The following ARK2C variants were observed in gnomAD, a reference collection of about 807,000 sequenced individuals.
ARK2C encodes arkadia (RNF111) C-terminal like ring finger ubiquitin ligase 2C, also known as E3 ubiquitin-protein ligase ARK2C.
the ARK2C span, among the ~76,000 whole-genome samples, chr18:46,391,764 G>GCA: frequency 6.6e-6 from 1 of 150,746 alleles, no homozygotes. Flanking sequence ...ACACACACAC[G>GCA]CACACACACA....
chr18:46,407,291 G>T, the ARK2C span, among the ~76,000 whole-genome samples: 1 of 152,248 alleles, frequency 6.6e-6, no homozygotes, highest in African/African-American at 2.4e-5. Context: ...GTCTTTTGGG[G>T]TAAGATTCTT....
chr18:46,441,907 G>A, the ARK2C span, among the ~76,000 whole-genome samples: 1 of 149,286 alleles, frequency 6.7e-6, no homozygotes, highest in African/African-American at 2.5e-5. Flanking sequence ...GCTCACGCCT[G>A]TAATCCCAGC....
the ARK2C span, among the ~76,000 whole-genome samples, chr18:46,346,429 G>A: frequency 9.1e-6 from 1 of 109,730 alleles, no homozygotes; most frequent in African/African-American, 2.7e-5. Context: ...GAAACTAAGA[G>A]CTCCCTTGGG....
At chr18:46,337,259 G>C in the ARK2C span, 1 of 985,220 alleles carries the variant, frequency 1.0e-6, no homozygotes. Flanking sequence ...CAGCAAAATG[G>C]TTTTCCATTA....
the ARK2C span, among the ~76,000 whole-genome samples, chr18:46,415,287 G>A: frequency 2.0e-5 from 3 of 152,212 alleles, no homozygotes; most frequent in Non-Finnish European, 2.9e-5. Flanking sequence ...TTGGGAGGCC[G>A]AGGTGGGCGG....
At chr18:46,416,054 T>A in the ARK2C span, among the ~76,000 whole-genome samples, 1 of 152,174 alleles carries the variant, frequency 6.6e-6, no homozygotes, top group South Asian at 2.1e-4. Context: ...TCATGGCTAA[T>A]TAACATGTCA....
the ARK2C span, among the ~76,000 whole-genome samples, chr18:46,341,020 G>A: frequency 6.6e-6 from 1 of 152,216 alleles, no homozygotes; most frequent in Non-Finnish European, 1.5e-5. Flanking sequence ...GTAGCAGGAG[G>A]GAAGAGTGTG....
chr18:46,418,349 A>G, the ARK2C span, among the ~76,000 whole-genome samples: 5 of 152,272 alleles, frequency 3.3e-5, no homozygotes, highest in African/African-American at 1.2e-4. Flanking sequence ...AGGGCAAGAC[A>G]CTGTCTCCAA....
the ARK2C span, among the ~76,000 whole-genome samples, chr18:46,405,642 T>C: frequency 1.3e-5 from 2 of 152,114 alleles, no homozygotes; most frequent in African/African-American, 4.8e-5. Context: ...GAGGCTTCTA[T>C]ATAGCTTGAG....
chr18:46,358,329 C>A, the ARK2C span, among the ~76,000 whole-genome samples: 3 of 152,070 alleles, frequency 2.0e-5, no homozygotes, highest in Non-Finnish European at 4.4e-5. Flanking sequence ...GGGAGCAGGG[C>A]CTAGTGTGAG....
chr18:46,444,637 C>G, the ARK2C span, among the ~76,000 whole-genome samples: 1 of 148,940 alleles, frequency 6.7e-6, no homozygotes, highest in South Asian at 2.1e-4. Context: ...CTAATTTAAA[C>G]ATTTTTTTTT....
chr18:46,401,202 C>T, the ARK2C span, among the ~76,000 whole-genome samples: 1 of 152,030 alleles, frequency 6.6e-6, no homozygotes, highest in Non-Finnish European at 1.5e-5. Context: ...CCAGGCCTGT[C>T]CGTGAGTGAG....
chr18:46,348,054 G>T, the ARK2C span, among the ~76,000 whole-genome samples: 1 of 152,166 alleles, frequency 6.6e-6, no homozygotes, highest in Non-Finnish European at 1.5e-5. Flanking sequence ...TGAACCTCGT[G>T]GGAAACAGAC....
At chr18:46,448,435 G>A in the ARK2C span, among the ~76,000 whole-genome samples, 2 of 152,232 alleles carry the variant, frequency 1.3e-5, no homozygotes, top group African/African-American at 4.8e-5. Flanking sequence ...CACTGGAGGA[G>A]TGGAAAGGGG....
At chr18:46,352,096 C>T in the ARK2C span, among the ~76,000 whole-genome samples, 2 of 152,196 alleles carry the variant, frequency 1.3e-5, no homozygotes, top group Non-Finnish European at 2.9e-5. Flanking sequence ...AGGCCTTGAC[C>T]TTCCTTTCCC....
chr18:46,434,184 T>G, the ARK2C span, among the ~76,000 whole-genome samples: 1 of 152,226 alleles, frequency 6.6e-6, no homozygotes, highest in African/African-American at 2.4e-5. Flanking sequence ...AGTTGGATAG[T>G]CAGTGGATCT....
At chr18:46,395,338 A>C in the ARK2C span, among the ~76,000 whole-genome samples, 2 of 152,158 alleles carry the variant, frequency 1.3e-5, no homozygotes, top group Non-Finnish European at 2.9e-5. Context: ...CACTACTGAC[A>C]TTTTGGGCAG....
the ARK2C span, among the ~76,000 whole-genome samples, chr18:46,434,922 G>A: frequency 1.3e-5 from 2 of 152,152 alleles, no homozygotes; most frequent in African/African-American, 4.8e-5. Context: ...GGTGCATAGA[G>A]CCTGTAGGAG....
the ARK2C span, chr18:46,435,412 C>T: frequency 6.3e-7 from 1 of 1,588,084 alleles, no homozygotes; most frequent in South Asian, 1.1e-5. Context: ...TCTTCAGGGC[C>T]CCTGGGGGAG....
Sources: gnomAD v4.1 joint callset for allele counts (sites outside exome capture counted in the v4.1 genomes callset) on GRCh38, gnomAD v4.1.1 for gene constraint, MANE v1.5 for transcripts, NCBI Gene and HGNC (gene_info 2026-07-23, HGNC 2026-07-21) for gene names.